DNPEP: variants seen among roughly 807,000 people sequenced by gnomAD.
DNPEP encodes the protein aspartyl aminopeptidase.
A neutral mutation model predicts 59.1 loss-of-function variants in DNPEP; 46 were observed. That is an observed-to-expected ratio of 0.78 (90% CI 0.61 to 0.99). DNPEP has a LOEUF of 0.99. DNPEP is among the 50% of genes least tolerant of loss of function. The pLI is 0.00. For synonymous variants in DNPEP, 229 were observed against 242.2 expected, an observed-to-expected ratio of 0.95 and a Z score of 0.50; for missense variants, 617 against 649.9, an observed-to-expected ratio of 0.95 and a Z score of 0.55.
chr2:219,385,268 C>T (rs1028788548), intron 8 of DNPEP, 156 bp downstream of exon 8: 11 of 587,818 alleles, frequency 1.9e-5, no homozygotes, highest in South Asian at 4.6e-5. Context: ...TGAGAACCAC[C>T]GCCCTAGAAG....
chr2:219,386,754 T>C lies in DNPEP; in HGVS notation c.244A>G (p.Thr82Ala), dbSNP rs2125143181. The C allele has an allele frequency of 1.2e-6, 2 of 1,613,074 alleles. No individual in the cohort carries two copies. The highest frequency in any genetic ancestry group is 3.3e-5 in the Admixed American group (2 of 59,850). Residue 82 changes from threonine (T) to alanine (A), a missense_variant, in exon 4 of 15, where the codon ACC becomes GCC. By Grantham distance (58) the Thr-to-Ala change is moderately conservative (BLOSUM62 0). Coordinates refer to ENST00000273075, the MANE Select transcript of DNPEP (RefSeq NM_012100.4). ...CCCCCTACAGCAAAAGCTATGATGG[T>C]GGAGGAGTTCCTGGTCATGAAGTAC... ...SKYFMTRNSS[T>A]IIAFAVGGQY... is the part of the protein sequence containing the mutation.
intron 9 of DNPEP, 77 bp downstream of exon 9, chr2:219,384,289 T>C: frequency 7.1e-7 from 1 of 1,410,824 alleles, no homozygotes; most frequent in South Asian, 1.3e-5. Flanking sequence ...TGCTGGGGCT[T>C]TAGGCAGCTC....
chr2:219,373,945 C>T lies in DNPEP; in HGVS notation c.*347G>A, dbSNP rs550487372. The T allele has an allele frequency of 3.5e-4, 96 of 273,006 alleles. 1 individual carries two copies. Among genetic ancestry groups the T allele is most frequent in the South Asian group, 3.0e-3 (37 of 12,272 alleles). The allele number at this position is 273,006 out of a possible 1,614,324, so 16.9% of individuals were successfully genotyped here. On this transcript the variant is annotated 3_prime_UTR_variant, in exon 15 of 15. Transcript: ENST00000273075. The stretch of plus-strand genomic sequence containing the variant: ...TTCTGGGGATGGAAAGAGGGAAGAC[C>T]GTTGAGGCCATTTCCCAGGTGGAGG...
upstream of DNPEP, among the ~76,000 whole-genome samples, chr2:219,391,655 T>G (rs1264974908): frequency 6.6e-6 from 1 of 152,150 alleles, no homozygotes; most frequent in Non-Finnish European, 1.5e-5. Context: ...CTTGTCCAAG[T>G]TGGCCCCAGC....
At chr2:219,393,670 T>C (rs1954053623), upstream of DNPEP, 2 of 152,318 alleles carry the variant, frequency 1.3e-5, no homozygotes, top group Non-Finnish European at 2.9e-5. Context: ...CATTTGCTTC[T>C]TTGCTTTCCT....
chr2:219,375,471 ATAGG>A (rs1453964920), intron 13 of DNPEP, among the ~76,000 whole-genome samples: 1 of 152,094 alleles, frequency 6.6e-6, no homozygotes, highest in African/African-American at 2.4e-5. Flanking sequence ...ACAAAATCAA[ATAGG>A]TAGTAACTAT....
Position 219,385,999 on chromosome 2 carries a change from C to G in DNPEP, c.559G>C (p.Glu187Gln). ...ATCTCTGTGTTGGGCCCAAAGTTCT[C>G]GTTGATATTTCGCTGCAGATGGATG... ...LAIHLQRNIN[E>Q]NFGPNTEMHL... The change falls in exon 6 of 15, where the codon GAG becomes CAG. Residue 187 changes from glutamate (E) to glutamine (Q), a missense_variant. Coordinates refer to ENST00000273075, the MANE Select transcript of DNPEP (RefSeq NM_012100.4). 6.2e-7 allele frequency: 1 copy of G among 1,614,160 alleles called. No homozygotes were observed.
At chr2:219,394,616 C>T (rs1954066979) in intron 1 of DNPEP, among the ~76,000 whole-genome samples, 1 of 152,130 alleles carries the variant, frequency 6.6e-6, no homozygotes, top group South Asian at 2.1e-4. Context: ...GGGCTCAGTG[C>T]TTAGAAATCT....
rs778037176 is a variant in DNPEP, at chr2:219,386,721, C to A, written c.277G>T (p.Val93Phe). 3.7e-6 allele frequency: 6 copies of A among 1,613,152 alleles called. No individual in the cohort carries two copies. Among genetic ancestry groups the A allele is most frequent in the African/African-American group, 1.3e-5 (1 of 75,020 alleles). ...IIAFAVGGQY[V>F]PGNGFSLIGA... ...ATGAGGCTGAAGCCATTGCCAGGAA[C>A]GTACTGGCCCCCTACAGCAAAAGCT... is the stretch of plus-strand genomic sequence containing the variant. The change falls in exon 4 of 15, where the codon GTT becomes TTT. Residue 93 changes from valine to phenylalanine, a missense_variant. Coordinates refer to ENST00000273075, the MANE Select transcript of DNPEP (RefSeq NM_012100.4).
chr2:219,374,355 G>A lies in DNPEP; in HGVS notation c.1408-13C>T, dbSNP rs1029609364. 1.8e-5 allele frequency: 29 copies of A among 1,613,270 alleles called. No individual in the cohort carries two copies. The highest frequency in any genetic ancestry group is 2.5e-5 in the Non-Finnish European group (29 of 1,179,308). On this transcript the variant is annotated splice_polypyrimidine_tract_variant and intron_variant, in intron 14 of 14. Transcript: ENST00000273075. ...GCTCAAAGAAGCCCTATAATGGGAG[G>A]CAACATGGAGTTTGGAATTAGTGAG... is the stretch of plus-strand genomic sequence containing the variant.
chr2:219,376,274 T>G (rs1953367293), intron 13 of DNPEP, among the ~76,000 whole-genome samples: 1 of 151,966 alleles, frequency 6.6e-6, no homozygotes, highest in African/African-American at 2.4e-5. Context: ...GATCACATGA[T>G]TCCAGGAGTT....
chr2:219,381,495 C>T, intron 12 of DNPEP, 50 bp downstream of exon 12: 1 of 1,613,866 alleles, frequency 6.2e-7, no homozygotes, highest in South Asian at 1.1e-5. Context: ...TGAGTCGGCG[C>T]TCGGAACAGC....
intron 13 of DNPEP, among the ~76,000 whole-genome samples, chr2:219,380,646 G>T (rs1338712790): frequency 2.6e-5 from 4 of 152,098 alleles, no homozygotes; most frequent in Non-Finnish European, 4.4e-5. Flanking sequence ...CACAACCTAG[G>T]TGTGCAGCAG....
At chr2:219,399,868 T>C in intron 1 of DNPEP, 1 of 1,550,312 alleles carries the variant, frequency 6.5e-7, no homozygotes, top group Admixed American at 2.0e-5. Flanking sequence ...CCGGTTACCT[T>C]GTGGTAGCCA....
chr2:219,375,224 C>G (rs1346239167), intron 13 of DNPEP, among the ~76,000 whole-genome samples: 1 of 152,150 alleles, frequency 6.6e-6, no homozygotes, highest in Non-Finnish European at 1.5e-5. Flanking sequence ...TGCCACCACC[C>G]TAGTTCCAAT....
At chr2:219,381,736 G>T in intron 11 of DNPEP, 152 bp from the exon 12 acceptor site, 1 of 965,708 alleles carries the variant, frequency 1.0e-6, no homozygotes, top group African/African-American at 1.6e-5. Context: ...AGGGTTCCGG[G>T]CAGCCTCTAG....
intron 1 of DNPEP, chr2:219,387,386 G>A: frequency 4.2e-6 from 6 of 1,435,504 alleles, no homozygotes; most frequent in South Asian, 1.5e-5. Flanking sequence ...CCCTTAATCC[G>A]AACTTTAGCC....
intron 1 of DNPEP, 140 bp downstream of exon 1, chr2:219,387,619 T>C: frequency 1.3e-6 from 2 of 1,541,812 alleles, no homozygotes; most frequent in South Asian, 2.4e-5. Flanking sequence ...GGGAAAGTCG[T>C]CAGGTCACCC....
At position 219,377,941 on chromosome 2, in the gene DNPEP, A is replaced by T. The variant is rs372438044; in HGVS notation, c.1240-2919T>A. ...CTGTTTCTAATTTTAAAAAAACATT[A>T]AAAAAAAAAACCAAACTCAAATAGA... On this transcript the variant is annotated intron_variant, in intron 13 of 14. Transcript: ENST00000273075. Among the ~76,000 whole-genome samples the T allele has an allele frequency of 6.6e-3, 945 of 143,970 alleles. 11 individuals carry two copies. The highest frequency in any genetic ancestry group is 0.024 in the African/African-American group (880 of 37,102). 94.4% of individuals were successfully genotyped at this position (143,970 alleles called of 152,430 possible). A position where few individuals can be genotyped will look rare whatever the true frequency, so the allele number is the denominator to read the frequency against.
Sources: allele counts gnomAD v4.1 joint callset (sites outside exome capture counted in the v4.1 genomes callset), GRCh38; gene constraint gnomAD v4.1.1; transcripts MANE v1.5; gene names NCBI Gene and HGNC (gene_info 2026-07-23, HGNC 2026-07-21).